NSUN7: variants seen among roughly 807,000 people sequenced by gnomAD.
The protein encoded by NSUN7 is NOP2/Sun RNA methyltransferase family member 7.
NSUN7 carries 39 observed loss-of-function variants against 58.5 expected under a neutral mutation model. The ratio of observed to expected loss-of-function variants is 0.67; its 90% CI spans 0.52 to 0.87. The LOEUF is 0.87. Among genes scored for constraint, NSUN7 ranks in the 40% least tolerant of loss-of-function variants. The probability of loss-of-function intolerance (pLI) is 0.00; values close to 1 mark genes in which losing one functional copy is unlikely to be tolerated. For synonymous variants in NSUN7, 278 were observed against 303.7 expected, an observed-to-expected ratio of 0.92 and a Z score of 0.88; for missense variants, 765 against 844.1, an observed-to-expected ratio of 0.91 and a Z score of 1.16.
At chr4:40,799,155 G>A (rs1054479844) in intron 10 of NSUN7, among the ~76,000 whole-genome samples, 6 of 125,248 alleles carry the variant, frequency 4.8e-5, no homozygotes, top group Non-Finnish European at 7.8e-5. Flanking sequence ...GCACCATTTC[G>A]ATTCACTACA....
At chr4:40,788,613 A>G (rs1742940861) in intron 7 of NSUN7, among the ~76,000 whole-genome samples, 1 of 152,106 alleles carries the variant, frequency 6.6e-6, no homozygotes, top group Non-Finnish European at 1.5e-5. Context: ...GTGCCGAGAG[A>G]CTTTGTAAGA....
At chr4:40,761,430 A>C (rs1741460071) in intron 4 of NSUN7, 129 bp downstream of exon 4, 2 of 724,252 alleles carry the variant, frequency 2.8e-6, no homozygotes, top group Middle Eastern at 4.1e-4. Context: ...AATTCATAAA[A>C]TTCTTGAATT....
In NSUN7 at chr4:40,807,373, G is replaced by T. The variant is rs1219838040; in HGVS notation, c.1524+189G>T. On this transcript the variant is annotated intron_variant, in intron 11 of 11. Coordinates refer to ENST00000381782, the MANE Select transcript of NSUN7 (RefSeq NM_024677.6). ...TTCTTTTTTTTTTTTTTTTGAGACA[G>T]AGTCTTGCTCTGTAGCCCAGGCTGG... Among the ~76,000 whole-genome samples, 4 of 146,476 alleles carry T rather than the reference G, an allele frequency of 2.7e-5. No homozygotes were observed. In the East Asian group the frequency reaches 8.0e-4, roughly 29 times the overall value.
chr4:40,777,089 G>C (rs1046923034), intron 7 of NSUN7, among the ~76,000 whole-genome samples: 4 of 152,170 alleles, frequency 2.6e-5, no homozygotes, highest in African/African-American at 9.7e-5. Flanking sequence ...GACCAGGAGA[G>C]GTAGCCTGGT....
intron 10 of NSUN7, among the ~76,000 whole-genome samples, chr4:40,802,861 C>T (rs1370579237): frequency 4.1e-5 from 6 of 147,316 alleles, no homozygotes; most frequent in African/African-American, 1.5e-4. Flanking sequence ...CATATGTATA[C>T]ATGTGCCATG....
rs1743808557 is a variant in NSUN7 at position 40,806,384 on chromosome 4, AATAAT to A, written c.1401-672_1401-668del. Among the ~76,000 whole-genome samples, 4 of 152,294 alleles carry A rather than the reference AATAAT, an allele frequency of 2.6e-5. No individual in the cohort carries two copies. In the South Asian group the frequency reaches 8.3e-4, roughly 32 times the overall value. The stretch of plus-strand genomic sequence containing the variant: ...TTTAACTTATTATTAAATATATTTT[AATAAT>A]ATAAGCCTGGAAATAGAATCATTTA... On this transcript the variant is annotated intron_variant, in intron 10 of 11. Transcript: ENST00000381782.
intron 7 of NSUN7, among the ~76,000 whole-genome samples, chr4:40,779,514 G>A (rs1227543153): frequency 6.6e-6 from 1 of 152,170 alleles, no homozygotes; most frequent in Non-Finnish European, 1.5e-5. Flanking sequence ...TGAGGCAGGA[G>A]AATGGCATGA....
intron 7 of NSUN7, among the ~76,000 whole-genome samples, chr4:40,781,455 T>C (rs1158208627): frequency 6.6e-6 from 1 of 152,094 alleles, no homozygotes; most frequent in Admixed American, 6.6e-5. Context: ...TTTTTTCTTT[T>C]TGTTTTATAG....
rs397878278 is a variant in NSUN7 at position 40,808,029 on chromosome 4, CAAAAAAAAAAA to C, written c.1525-264_1525-254del. On this transcript the variant is annotated intron_variant, in intron 11 of 11. Transcript: ENST00000381782. The stretch of plus-strand genomic sequence containing the variant: ...TGGGCGACAAAGCAAGACTCCATCT[CAAAAAAAAAAA>C]AAAAAAAAAAAAATCTGTGTGATTC... Among the ~76,000 whole-genome samples the C allele has an allele frequency of 2.1e-3, 125 of 60,180 alleles. 2 individuals are homozygous for C. In the South Asian group the frequency reaches 0.052, roughly 25 times the overall value. The allele number at this position is 60,180 out of a possible 152,430, so 39.5% of individuals were successfully genotyped here.
At chr4:40,801,805 G>A (rs948055051) in intron 10 of NSUN7, among the ~76,000 whole-genome samples, 1 of 151,640 alleles carries the variant, frequency 6.6e-6, no homozygotes, top group Non-Finnish European at 1.5e-5. Flanking sequence ...GGGAGGCTGA[G>A]GTGGGAAGAT....
chr4:40,750,486 A>C, intron 1 of NSUN7, 117 bp from the exon 2 acceptor site: 6 of 403,608 alleles, frequency 1.5e-5, no homozygotes, highest in East Asian at 4.6e-5. Context: ...GAAGTCTGGG[A>C]CACTCAGATG....
At chr4:40,799,943 C>CTGT (rs1577584595) in intron 10 of NSUN7, among the ~76,000 whole-genome samples, 1 of 152,270 alleles carries the variant, frequency 6.6e-6, no homozygotes, top group East Asian at 1.9e-4. Context: ...TTTCACATTA[C>CTGT]AGAAGTACTA....
At chr4:40,786,426 C>T (rs1742825667) in intron 7 of NSUN7, 7 of 1,611,820 alleles carry the variant, frequency 4.3e-6, no homozygotes, top group Admixed American at 1.7e-5. Context: ...CTGTTGATGT[C>T]GAAAGGATGG....
At chr4:40,751,081 A>C in intron 2 of NSUN7, 90 bp downstream of exon 2, 1 of 1,441,246 alleles carries the variant, frequency 6.9e-7, no homozygotes, top group African/African-American at 1.4e-5. Flanking sequence ...CCTTCCCCTC[A>C]TTCACACCAG....
chr4:40,801,378 A>G (rs554672096), intron 10 of NSUN7, among the ~76,000 whole-genome samples: 4 of 152,336 alleles, frequency 2.6e-5, no homozygotes, highest in African/African-American at 9.6e-5. Context: ...CACGAGCAGT[A>G]TCTGGCATAT....
chr4:40,776,622 C>T, intron 7 of NSUN7: 2 of 168,280 alleles, frequency 1.2e-5, no homozygotes, highest in Non-Finnish European at 2.5e-5. Context: ...GAAGCTAAGT[C>T]TTTTTTTTTT....
chr4:40,807,374 A>T lies in NSUN7; in HGVS notation c.1524+190A>T, dbSNP rs1266169185. 2.9e-5 allele frequency among the ~76,000 whole-genome samples: 4 copies of T among 136,606 alleles called. No homozygotes were observed. The East Asian group carries it at 8.1e-4, about 28-fold the overall frequency. The allele number at this position is 136,606 out of a possible 152,430, so 89.6% of individuals were successfully genotyped here. On this transcript the variant is annotated intron_variant, in intron 11 of 11. Transcript: ENST00000381782. ...TCTTTTTTTTTTTTTTTTGAGACAG[A>T]GTCTTGCTCTGTAGCCCAGGCTGGA...
intron 4 of NSUN7, among the ~76,000 whole-genome samples, chr4:40,773,433 A>T (rs1255428448): frequency 6.6e-6 from 1 of 152,200 alleles, no homozygotes; most frequent in East Asian, 1.9e-4. Context: ...CTGTAATCCC[A>T]GCACTTTGGG....
In NSUN7 at chr4:40,751,138, A is replaced by G. The variant is rs546701363; in HGVS notation, c.298+147A>G. 1.3e-5 allele frequency: 11 copies of G among 833,310 alleles called. No individual in the cohort carries two copies. In the African/African-American group the frequency reaches 1.5e-4, roughly 12 times the overall value. 51.6% of individuals were successfully genotyped at this position (833,310 alleles called of 1,614,324 possible). ...ATATCTTTGGTTAATTGCAAGTGTCAAGGAATTAGGGTTCCCATGAAACTA... is the reference window on the plus strand; with the variant it reads ...ATATCTTTGGTTAATTGCAAGTGTCGAGGAATTAGGGTTCCCATGAAACTA... On this transcript the variant is annotated intron_variant, in intron 2 of 11. Coordinates refer to ENST00000381782, the MANE Select transcript of NSUN7 (RefSeq NM_024677.6).
Sources: allele counts gnomAD v4.1 joint callset (sites outside exome capture counted in the v4.1 genomes callset), GRCh38; gene constraint gnomAD v4.1.1; transcripts MANE v1.5; gene names NCBI Gene and HGNC (gene_info 2026-07-23, HGNC 2026-07-21).